The following RAB27B variants were observed in gnomAD, a reference collection of about 807,000 sequenced individuals.
RAB27B encodes the protein RAB27B, member RAS oncogene family, also known as ras-related protein Rab-27B.
RAB27B carries 15 observed loss-of-function variants against 24.6 expected under a neutral mutation model. The ratio of observed to expected loss-of-function variants is 0.61; its 90% CI spans 0.41 to 0.94. RAB27B has a LOEUF of 0.94. RAB27B is among the 40% of genes least tolerant of loss of function. The probability of loss-of-function intolerance (pLI) is 0.00; values close to 1 mark genes in which losing one functional copy is unlikely to be tolerated. For missense variants in RAB27B, 261 were observed against 266.8 expected (o/e 0.98, Z 0.15); for synonymous variants, 105 against 92.5 (o/e 1.14, Z -0.78).
At chr18:54,745,773 T>C (rs1323111634) in intron 2 of RAB27B, among the ~76,000 whole-genome samples, 4 of 147,498 alleles carry the variant, frequency 2.7e-5, no homozygotes, top group Non-Finnish European at 6.0e-5. Context: ...AATATAAGTA[T>C]TTATAAATAT....
chr18:54,835,671 C>T (rs1910866843), intron 1 of RAB27B, among the ~76,000 whole-genome samples: 1 of 151,952 alleles, frequency 6.6e-6, no homozygotes, highest in Non-Finnish European at 1.5e-5. Flanking sequence ...TTTGAAAAGT[C>T]TATTCTTTAA....
intron 2 of RAB27B, among the ~76,000 whole-genome samples, chr18:54,718,759 A>G (rs1909269101): frequency 6.6e-6 from 1 of 152,214 alleles, no homozygotes. Flanking sequence ...ATAAGAGAGT[A>G]GTTTGCTATT....
rs1250128903 is a variant in RAB27B at position 54,810,552 on chromosome 18, G to A, written c.-19-67015G>A. On this transcript the variant is annotated intron_variant, in intron 2 of 4. Transcript: ENST00000586570. ...TGAATGAATTAAAAAAAATCAGGCT[G>A]GGTGCCAAGGCTCACACCTGTAATC... 2.6e-5 allele frequency among the ~76,000 whole-genome samples: 4 copies of A among 151,906 alleles called. No individual in the cohort carries two copies. The South Asian group carries it at 8.3e-4, about 31-fold the overall frequency.
intron 2 of RAB27B, among the ~76,000 whole-genome samples, chr18:54,779,905 C>G (rs1353883298): frequency 1.3e-5 from 2 of 150,946 alleles, no homozygotes; most frequent in Non-Finnish European, 3.0e-5. Context: ...TCCCCCTCAC[C>G]CTCTCTACCG....
intron 2 of RAB27B, among the ~76,000 whole-genome samples, chr18:54,801,205 G>A (rs934995145): frequency 6.6e-6 from 1 of 151,492 alleles, no homozygotes; most frequent in African/African-American, 2.4e-5. Flanking sequence ...TAGAGATGGG[G>A]TTTTTTACCA....
chr18:54,741,493 CT>C (rs994262505), intron 2 of RAB27B, among the ~76,000 whole-genome samples: 2 of 151,924 alleles, frequency 1.3e-5, no homozygotes, highest in South Asian at 2.1e-4. Flanking sequence ...ACTCTAAGCT[CT>C]TTTTTTCTTC....
rs996414444 is a variant in RAB27B at position 54,893,169 on chromosome 18, C to A, written c.*3756C>A. On this transcript the variant is annotated 3_prime_UTR_variant, in exon 6 of 6. Transcript: ENST00000262094. Reference sequence around the variant, plus strand: ...ACAGGTTGTTCATTGTTCTGCATCTCTCTTCATTTAAAAAGGATACACAAT... The same window carrying A: ...ACAGGTTGTTCATTGTTCTGCATCTATCTTCATTTAAAAAGGATACACAAT... The A allele has an allele frequency of 3.3e-5, 5 of 151,976 alleles. No homozygotes were observed. The highest frequency in any genetic ancestry group is 1.2e-4 in the African/African-American group (5 of 41,422). The allele number at this position is 151,976 out of a possible 1,614,324, so 9.4% of individuals were successfully genotyped here.
chr18:54,794,845 G>A lies in RAB27B; in HGVS notation c.-20+76704G>A, dbSNP rs1001566969. Among the ~76,000 whole-genome samples, 115 of 152,286 alleles carry A rather than the reference G, an allele frequency of 7.6e-4. 1 individual carries two copies. The highest frequency in any genetic ancestry group is 1.5e-5 in the Non-Finnish European group (1 of 68,030). On this transcript the variant is annotated intron_variant, in intron 2 of 4. Coordinates refer to the RAB27B transcript ENST00000586570. ...TATTTAGTACAAAATAATTAAAAAT[G>A]TAAATAGAAACAAGACCAGCAATCC...
chr18:54,886,911 CTG>C (rs1289045398), intron 4 of RAB27B, among the ~76,000 whole-genome samples: 2 of 151,900 alleles, frequency 1.3e-5, no homozygotes, highest in Non-Finnish European at 2.9e-5. Context: ...AGAGCAGCCT[CTG>C]TAACCTCAAA....
chr18:54,726,895 T>A (rs1217322652), intron 2 of RAB27B, among the ~76,000 whole-genome samples: 1 of 143,884 alleles, frequency 7.0e-6, no homozygotes, highest in Non-Finnish European at 1.6e-5. Flanking sequence ...TACAGCAGAA[T>A]AAATAATAAC....
chr18:54,880,539 G>A (rs1217471661), intron 3 of RAB27B: 2 of 152,140 alleles, frequency 1.3e-5, no homozygotes, highest in African/African-American at 4.8e-5. Context: ...GTAAATGCCA[G>A]GAGAGGTGCT....
In RAB27B at chr18:54,894,285, A is replaced by T. The variant is rs1209023923; in HGVS notation, c.*4872A>T. 1 of 151,986 alleles carries T rather than the reference A, an allele frequency of 6.6e-6. No individual in the cohort carries two copies. Among genetic ancestry groups the T allele is most frequent in the Non-Finnish European group, 1.5e-5 (1 of 67,902 alleles). 9.4% of individuals were successfully genotyped at this position (151,986 alleles called of 1,614,324 possible). A position where few individuals can be genotyped will look rare whatever the true frequency, so the allele number is the denominator to read the frequency against. ...TGAGAAAAAAATATACAAAGAAGTC[A>T]TCTTTTCATTAAGTGGATTCCCTGG... On this transcript the variant is annotated 3_prime_UTR_variant, in exon 6 of 6. Coordinates refer to ENST00000262094, the MANE Select transcript of RAB27B (RefSeq NM_004163.4).
intron 1 of RAB27B, among the ~76,000 whole-genome samples, chr18:54,863,878 T>C (rs1231611811): frequency 6.6e-6 from 1 of 152,232 alleles, no homozygotes; most frequent in East Asian, 1.9e-4. Context: ...AACATTGAAT[T>C]GTACATACAT....
At chr18:54,879,603 TG>T (rs1243811835) in intron 3 of RAB27B, 149 bp downstream of exon 3, 5 of 679,870 alleles carry the variant, frequency 7.4e-6, no homozygotes, top group Non-Finnish European at 1.3e-5. Flanking sequence ...TAAAAATAAA[TG>T]ATTTGTAATT....
At chr18:54,794,143 T>A (rs1392004684) in intron 2 of RAB27B, among the ~76,000 whole-genome samples, 1 of 152,224 alleles carries the variant, frequency 6.6e-6, no homozygotes, top group Non-Finnish European at 1.5e-5. Flanking sequence ...TCAGTTTTTC[T>A]ATCTGTATGG....
At chr18:54,825,182 A>G (rs553151348), upstream of RAB27B, among the ~76,000 whole-genome samples, 52 of 152,328 alleles carry the variant, frequency 3.4e-4, no homozygotes, top group Non-Finnish European at 6.2e-4. Flanking sequence ...GAGAAATCCA[A>G]TGCAATTTTT....
At chr18:54,754,167 C>T (rs1428016474) in intron 2 of RAB27B, among the ~76,000 whole-genome samples, 1 of 152,040 alleles carries the variant, frequency 6.6e-6, no homozygotes, top group African/African-American at 2.4e-5. Flanking sequence ...ATTTCCCCCA[C>T]GCTGTTCTCG....
At chr18:54,818,571 C>T (rs1021304756) in intron 2 of RAB27B, among the ~76,000 whole-genome samples, 1 of 152,096 alleles carries the variant, frequency 6.6e-6, no homozygotes, top group Non-Finnish European at 1.5e-5. Context: ...AGGCATTCAA[C>T]CATGTGGTTA....
At chr18:54,859,204 A>G (rs953964063) in intron 1 of RAB27B, among the ~76,000 whole-genome samples, 1 of 152,152 alleles carries the variant, frequency 6.6e-6, no homozygotes, top group South Asian at 2.1e-4. Flanking sequence ...TTTCATAACA[A>G]CTGTCTTATA....
Sources: gnomAD v4.1 joint callset for allele counts (sites outside exome capture counted in the v4.1 genomes callset) on GRCh38, gnomAD v4.1.1 for gene constraint, MANE v1.5 for transcripts, NCBI Gene and HGNC (gene_info 2026-07-23, HGNC 2026-07-21) for gene names.